Variants in SRRM2 observed in about 807,000 individuals in gnomAD.
The protein encoded by SRRM2 is serine/arginine repetitive matrix protein 2.
A neutral mutation model predicts 213.8 loss-of-function variants in SRRM2; 30 were observed. The ratio of observed to expected loss-of-function variants is 0.14; its 90% CI spans 0.10 to 0.19. The LOEUF is 0.19. Among genes scored for constraint, SRRM2 ranks in the 10% least tolerant of loss-of-function variants. The pLI, the probability that SRRM2 is intolerant of heterozygous loss-of-function variation, is 1.00. For synonymous variants in SRRM2, 2,025 were observed against 1,377.7 expected (o/e 1.47, Z -10.40); for missense variants, 4,904 against 3,647.0 (o/e 1.34, Z -8.88).
At position 2,769,155 on chromosome 16, in the gene SRRM2, C is replaced by T. The variant is rs1425363791; in HGVS notation, c.7892C>T (p.Ser2631Phe). ...TCCTCCTCCTCTTCTTCCTCCTCCT[C>T]TTCCTCTTCTTCTTCTTCCTCCTCA... ...SSSSSSSSSS[S>F]SSSSSSSSSS... The change falls in exon 12 of 15, where the codon TCT becomes TTT. Residue 2631 changes from serine to phenylalanine, a missense_variant. Coordinates refer to ENST00000301740, the MANE Select transcript of SRRM2 (RefSeq NM_016333.4). The T allele has an allele frequency of 2.5e-6, 4 of 1,612,204 alleles. No individual in the cohort carries two copies. The highest frequency in any genetic ancestry group is 3.4e-6 in the Non-Finnish European group (4 of 1,178,486).
rs767795281 is a variant in SRRM2 at position 2,769,182 on chromosome 16, C to G, written c.7919C>G (p.Ser2640Cys). The change falls in exon 12 of 15, where the codon TCT becomes TGT. Residue 2640 changes from serine to cysteine, a missense_variant. Transcript: ENST00000301740. ...TCCTCTTCTTCTTCTTCCTCCTCATCTTCCTCCTCCTCGTCGTCTTCCTCC... is the reference window on the plus strand; with the variant it reads ...TCCTCTTCTTCTTCTTCCTCCTCATGTTCCTCCTCCTCGTCGTCTTCCTCC... Reference protein sequence around the residue: ...SSSSSSSSSSSSSSSSSSSPS... With the variant: ...SSSSSSSSSSCSSSSSSSSPS... 1.9e-5 allele frequency: 30 copies of G among 1,611,458 alleles called. No individual in the cohort carries two copies. The highest frequency in any genetic ancestry group is 2.4e-5 in the Non-Finnish European group (28 of 1,178,612).
intron 11 of SRRM2, chr16:2,768,546 G>T: frequency 1.5e-6 from 1 of 658,178 alleles, no homozygotes; most frequent in Non-Finnish European, 2.8e-6. Context: ...TACAGCAGGA[G>T]GGATGGCAGT....
Position 2,757,545 on chromosome 16 carries a change from G to T in SRRM2, c.316G>T (p.Gly106Trp). 2.5e-6 allele frequency: 4 copies of T among 1,614,054 alleles called. No individual in the cohort carries two copies. The highest frequency in any genetic ancestry group is 3.4e-6 in the Non-Finnish European group (4 of 1,179,986). The change falls in exon 3 of 15, where the codon GGG (glycine) becomes TGG (tryptophan). Residue 106 changes from glycine to tryptophan, a missense_variant. Gly to Trp is a radical substitution (Grantham distance 184, BLOSUM62 -2). Transcript: ENST00000301740. Reference sequence around the variant, plus strand: ...GTTGCTGGAGAAGGATGTGAACCCTGGGGGCAAGGAGGAGACCCCAGGGCA... The same window carrying T: ...GTTGCTGGAGAAGGATGTGAACCCTTGGGGCAAGGAGGAGACCCCAGGGCA... ...LMLLEKDVNPGGKEETPGQRP... is the reference protein window; with the variant it reads ...LMLLEKDVNPWGKEETPGQRP...
Position 2,765,234 on chromosome 16 carries a change from C to T in SRRM2, c.4706C>T (p.Thr1569Ile). ...TCTTCTCCAGATTCTAAAGCCAAGA[C>T]AAGAACCCCACTTCGGCAGAGGAGT... ...SDSSPDSKAKTRTPLRQRSRS... is the reference protein window; with the variant it reads ...SDSSPDSKAKIRTPLRQRSRS... Residue 1569 changes from threonine to isoleucine, a missense_variant, in exon 11 of 15, where the codon ACA becomes ATA. By Grantham distance (89) the Thr-to-Ile change is moderately conservative. Coordinates refer to ENST00000301740, the MANE Select transcript of SRRM2 (RefSeq NM_016333.4). 1.2e-6 allele frequency: 2 copies of T among 1,614,114 alleles called. No homozygotes were observed. The highest frequency in any genetic ancestry group is 1.7e-6 in the Non-Finnish European group (2 of 1,179,968).
chr16:2,763,777 A>G lies in SRRM2; in HGVS notation c.3249A>G (p.Ser1083=). Residue 1083 remains serine (S), a synonymous_variant, in exon 11 of 15, where the codon TCA becomes TCG. Coordinates refer to ENST00000301740, the MANE Select transcript of SRRM2 (RefSeq NM_016333.4). ...AAGTGAGACAGAGTCATTCAGAATC[A>G]CCATCTCTGCAGAGCAAATCTCAAA... The part of the protein sequence containing the change: ...SPEVRQSHSE[S]PSLQSKSQTS... 6.2e-7 allele frequency: 1 copy of G among 1,614,218 alleles called. No homozygotes were observed. Among genetic ancestry groups the G allele is most frequent in the Non-Finnish European group, 8.5e-7 (1 of 1,180,038 alleles).
chr16:2,760,853 A>G, intron 10 of SRRM2: 1 of 215,560 alleles, frequency 4.6e-6, no homozygotes, highest in Admixed American at 5.2e-5. Context: ...AAAACTTTTT[A>G]ATCCATTGCG....
chr16:2,768,021 C>T lies in SRRM2; in HGVS notation c.7493C>T (p.Ala2498Val), dbSNP rs1387047980. Residue 2498 changes from alanine to valine, a missense_variant, in exon 11 of 15, where the codon GCC becomes GTC. By Grantham distance (64) the Ala-to-Val change is moderately conservative. Transcript: ENST00000301740. ...CACAATGGCATGCTCTCTGTCCCTGCCCCTGGGGTGCCCCACTCTGATGTG... is the reference window on the plus strand; with the variant it reads ...CACAATGGCATGCTCTCTGTCCCTGTCCCTGGGGTGCCCCACTCTGATGTG... ...GDHNGMLSVP[A>V]PGVPHSDVGE... 3 of 1,614,048 alleles carry T rather than the reference C, an allele frequency of 1.9e-6. No individual in the cohort carries two copies. Among genetic ancestry groups the T allele is most frequent in the African/African-American group, 2.7e-5 (2 of 74,918 alleles).
intron 9 of SRRM2, chr16:2,760,045 G>A: frequency 5.3e-6 from 3 of 567,194 alleles, no homozygotes; most frequent in South Asian, 2.1e-5. Context: ...AGTGGGCTGG[G>A]TGGATGGTTT....
At chr16:2,760,730 T>G in intron 10 of SRRM2, 2 of 528,306 alleles carry the variant, frequency 3.8e-6, no homozygotes, top group South Asian at 4.4e-5. Flanking sequence ...TTTTATATTG[T>G]GTCTTGTTTA....
chr16:2,764,734 C>G lies in SRRM2; in HGVS notation c.4206C>G (p.Ile1402Met), dbSNP rs754690895. 2 of 1,614,170 alleles carry G rather than the reference C, an allele frequency of 1.2e-6. No individual in the cohort carries two copies. Among genetic ancestry groups the G allele is most frequent in the African/African-American group, 2.7e-5 (2 of 75,036 alleles). ...EKAGMSSNQS[I>M]SSPVLDAVPR... ...CAGGGATGTCTTCAAATCAGAGCAT[C>G]TCTTCACCTGTGCTTGATGCTGTAC... The change falls in exon 11 of 15, where the codon ATC becomes ATG. Residue 1402 changes from isoleucine to methionine, a missense_variant. By Grantham distance (10) the Ile-to-Met change is conservative. Transcript: ENST00000301740.
chr16:2,769,621 T>C (rs970573456), intron 12 of SRRM2: 1 of 592,596 alleles, frequency 1.7e-6, no homozygotes, highest in Non-Finnish European at 3.2e-6. Context: ...CCCGACTCTG[T>C]CCACAGCCTC....
At position 2,762,069 on chromosome 16, in the gene SRRM2, G is replaced by A. The variant is rs376429363; in HGVS notation, c.1541G>A (p.Arg514His). The change falls in exon 11 of 15, where the codon CGT becomes CAT. Residue 514 changes from arginine (R) to histidine (H), a missense_variant. Transcript: ENST00000301740. ...GHSRSRSPQW[R>H]RSRSAQRWGR... ...TCTCGATCCCGATCTCCCCAGTGGC[G>A]TAGGTCCAGGTCTGCACAGAGGTGG... The A allele has an allele frequency of 2.5e-5, 40 of 1,614,110 alleles. No homozygotes were observed. The highest frequency in any genetic ancestry group is 9.3e-5 in the African/African-American group (7 of 74,936).
chr16:2,767,086 A>G lies in SRRM2; in HGVS notation c.6558A>G (p.Thr2186=). ...AGTCCAGGATTGCACTTGCCCTGAC[A>G]GCTATCAGTCTTGGCACCGCTCGGC... is the stretch of plus-strand genomic sequence containing the variant. ...HAQSRIALAL[T]AISLGTARPP... Residue 2186 remains threonine (T), a synonymous_variant, in exon 11 of 15, where the codon ACA becomes ACG. Coordinates refer to ENST00000301740, the MANE Select transcript of SRRM2 (RefSeq NM_016333.4). The G allele has an allele frequency of 1.9e-6, 3 of 1,614,128 alleles. No homozygotes were observed. Among genetic ancestry groups the G allele is most frequent in the Non-Finnish European group, 2.5e-6 (3 of 1,180,028 alleles).
chr16:2,760,120 AAAG>A (rs1168909483), intron 9 of SRRM2, 178 bp from the exon 10 acceptor site: 9 of 651,584 alleles, frequency 1.4e-5, no homozygotes, highest in Non-Finnish European at 2.1e-5. Context: ...TGTGTTGGGA[AAAG>A]AAGAACCAAA....
rs1159413801 is a variant in SRRM2 at position 2,764,665 on chromosome 16, T to C, written c.4137T>C (p.Ser1379=). Residue 1379 remains serine (S), a synonymous_variant, in exon 11 of 15, where the codon TCT becomes TCC. Coordinates refer to ENST00000301740, the MANE Select transcript of SRRM2 (RefSeq NM_016333.4). ...TGAAAGAACAATCGACAAGATCCTCTGGACACAGCAGTTCTGAGTTATCCC... is the reference window on the plus strand; with the variant it reads ...TGAAAGAACAATCGACAAGATCCTCCGGACACAGCAGTTCTGAGTTATCCC... ...LDMKEQSTRS[S]GHSSSELSPD... The C allele has an allele frequency of 6.2e-7, 1 of 1,614,154 alleles. No individual in the cohort carries two copies. Among genetic ancestry groups the C allele is most frequent in the Admixed American group, 1.7e-5 (1 of 60,032 alleles).
At chr16:2,759,296 G>A in intron 7 of SRRM2, 56 bp from the exon 8 acceptor site, 1 of 1,608,276 alleles carries the variant, frequency 6.2e-7, no homozygotes. Flanking sequence ...TTTCACTTTT[G>A]GTTTTATTTC....
At chr16:2,758,797 G>C in intron 5 of SRRM2, 188 bp from the exon 6 acceptor site, 1 of 722,492 alleles carries the variant, frequency 1.4e-6, no homozygotes, top group South Asian at 1.9e-5. Flanking sequence ...TCATTTTGAG[G>C]TTTGTTGACT....
chr16:2,758,619 G>T, intron 5 of SRRM2, 72 bp downstream of exon 5: 1 of 1,445,832 alleles, frequency 6.9e-7, no homozygotes, highest in Non-Finnish European at 9.7e-7. Flanking sequence ...TCTGGAAGTG[G>T]ACAGTTCTGG....
At chr16:2,755,234 T>C (rs1021903912) in intron 1 of SRRM2, among the ~76,000 whole-genome samples, 2 of 152,142 alleles carry the variant, frequency 1.3e-5, no homozygotes, top group African/African-American at 4.8e-5. Flanking sequence ...TTTTTCAGAA[T>C]CACGTTAGGG....
Sources: gnomAD v4.1 joint callset for allele counts (sites outside exome capture counted in the v4.1 genomes callset) on GRCh38, gnomAD v4.1.1 for gene constraint, MANE v1.5 for transcripts, NCBI Gene and HGNC (gene_info 2026-07-23, HGNC 2026-07-21) for gene names.